The following RCOR1 variants were observed in gnomAD, a reference collection of about 807,000 sequenced individuals.
RCOR1 encodes the protein REST corepressor 1, also known as REST corepressor.
In RCOR1, 12 loss-of-function variants were observed where a neutral mutation model predicts 64.0. The ratio of observed to expected loss-of-function variants is 0.19; its 90% confidence interval spans 0.12 to 0.30. RCOR1 has a LOEUF of 0.30. Ranked by LOEUF, RCOR1 falls within the 10% of genes least tolerant of loss-of-function variation. RCOR1 has a pLI of 1.00. For missense variants in RCOR1, 502 were observed against 621.2 expected (o/e 0.81, Z 2.04); for synonymous variants, 279 against 227.2 (o/e 1.23, Z -2.05).
At chr14:102,624,217 A>G (rs1893933961) in intron 2 of RCOR1, among the ~76,000 whole-genome samples, 1 of 150,248 alleles carries the variant, frequency 6.7e-6, no homozygotes, top group African/African-American at 2.5e-5. Flanking sequence ...TAAATAATAA[A>G]ATAAGGCTGT....
At chr14:102,655,168 A>T (rs79408229) in intron 2 of RCOR1, 1 of 647,940 alleles carries the variant, frequency 1.5e-6, no homozygotes, top group Non-Finnish European at 1.9e-6. Context: ...TGGATAGGCA[A>T]TACAGGCATA....
At chr14:102,597,013 C>T (rs1328890989) in intron 2 of RCOR1, among the ~76,000 whole-genome samples, 3 of 151,818 alleles carry the variant, frequency 2.0e-5, no homozygotes, top group Non-Finnish European at 4.4e-5. Context: ...GTTGGAACTA[C>T]AGGTGCGTGC....
At chr14:102,690,902 T>C (rs1258372369) in intron 3 of RCOR1, among the ~76,000 whole-genome samples, 1 of 152,222 alleles carries the variant, frequency 6.6e-6, no homozygotes, top group Admixed American at 6.5e-5. Context: ...AAATAAGTTA[T>C]TGAATGAATG....
chr14:102,671,736 A>G (rs1261361923), intron 2 of RCOR1, among the ~76,000 whole-genome samples: 1 of 152,234 alleles, frequency 6.6e-6, no homozygotes, highest in African/African-American at 2.4e-5. Flanking sequence ...AATATGCAAA[A>G]TTCAGTGGTT....
chr14:102,625,424 A>G (rs926825429), intron 2 of RCOR1, among the ~76,000 whole-genome samples: 16 of 151,062 alleles, frequency 1.1e-4, no homozygotes, highest in Non-Finnish European at 2.2e-4. Flanking sequence ...TAGTAGAGAC[A>G]GGGTTTCTCC....
Position 102,592,962 on chromosome 14 carries a change from T to G in RCOR1, c.76T>G (p.Ser26Ala), listed in dbSNP as rs1004496269. ...GAGGAACAACGCGGCCGCCTCCGCC[T>G]CCGCCGCCGCCGCCTCCGCCGCCGC... ...RGRNNAAASASAAAASAAASA... is the reference protein window; with the variant it reads ...RGRNNAAASAAAAAASAAASA... Residue 26 changes from serine to alanine, a missense_variant, in exon 1 of 12, where the codon TCC becomes GCC. By Grantham distance (99) the Ser-to-Ala change is moderately conservative. Transcript: ENST00000262241. 83 of 1,165,988 alleles carry G rather than the reference T, an allele frequency of 7.1e-5. No individual in the cohort carries two copies. The highest frequency in any genetic ancestry group is 7.0e-4 in the Middle Eastern group (2 of 2,870). The allele number at this position is 1,165,988 out of a possible 1,614,324, so 72.2% of individuals were successfully genotyped here.
chr14:102,647,643 G>A (rs772558432), intron 2 of RCOR1, among the ~76,000 whole-genome samples: 5 of 152,068 alleles, frequency 3.3e-5, no homozygotes, highest in Non-Finnish European at 5.9e-5. Flanking sequence ...ATGCCAAACT[G>A]TAGTATGAAC....
rs1896172844 is a variant in RCOR1, at chr14:102,721,656, G to A, written c.1189+279G>A. 2 of 288,866 alleles carry A rather than the reference G, an allele frequency of 6.9e-6. 1 individual carries two copies. The highest frequency in any genetic ancestry group is 9.7e-5 in the Admixed American group (2 of 20,666). 17.9% of individuals were successfully genotyped at this position (288,866 alleles called of 1,614,324 possible). A position where few individuals can be genotyped will look rare whatever the true frequency, so the allele number is the denominator to read the frequency against. ...CCCTACTCCCAGCACCTAGATTCTT[G>A]GACAATTATGTCCTAGTGGATATCA... On this transcript the variant is annotated intron_variant, in intron 10 of 11. Transcript: ENST00000262241.
At chr14:102,670,200 C>G (rs1208683586) in intron 2 of RCOR1, among the ~76,000 whole-genome samples, 5 of 152,196 alleles carry the variant, frequency 3.3e-5, no homozygotes, top group Non-Finnish European at 7.3e-5. Context: ...ATCTGCCTGC[C>G]TTGGCCTCTC....
intron 10 of RCOR1, 99 bp downstream of exon 10, chr14:102,721,476 A>G: frequency 1.3e-6 from 1 of 792,450 alleles, no homozygotes; most frequent in Middle Eastern, 2.5e-4. Flanking sequence ...GCTTGAGCCC[A>G]GGAGCTCAAG....
At chr14:102,711,061 GT>G (rs1472340566) in intron 7 of RCOR1, 48 bp downstream of exon 7, 20 of 1,223,044 alleles carry the variant, frequency 1.6e-5, no homozygotes, top group Non-Finnish European at 2.3e-5. Flanking sequence ...TTTATTACTA[GT>G]TTCATAAATA....
At chr14:102,620,253 C>CA (rs201786851) in intron 2 of RCOR1, among the ~76,000 whole-genome samples, 18,849 of 151,060 alleles carry the variant, frequency 0.12, 1,372 homozygotes, top group African/African-American at 0.2. Context: ...ACACACACAC[C>CA]CCCCCACACC....
At chr14:102,725,533 T>G (rs756469087) in intron 11 of RCOR1, among the ~76,000 whole-genome samples, 11 of 151,884 alleles carry the variant, frequency 7.2e-5, no homozygotes, top group Non-Finnish European at 1.6e-4. Context: ...GTGAGAGGAG[T>G]TAGGGCTGCC....
Position 102,726,683 on chromosome 14 carries a change from A to T in RCOR1, c.*177A>T. 1.7e-6 allele frequency: 1 copy of T among 590,150 alleles called. No homozygotes were observed. The highest frequency in any genetic ancestry group is 2.2e-5 in the South Asian group (1 of 45,392). 36.6% of individuals were successfully genotyped at this position (590,150 alleles called of 1,614,324 possible). On this transcript the variant is annotated 3_prime_UTR_variant, in exon 12 of 12. Transcript: ENST00000262241. ...GCCTTAATTCTTTGCTCGTTCCTCC[A>T]TGTTGGCGCCACTTCCCAGAGAGCT...
At chr14:102,613,336 A>T (rs1023702835) in intron 2 of RCOR1, among the ~76,000 whole-genome samples, 8 of 151,476 alleles carry the variant, frequency 5.3e-5, no homozygotes, top group African/African-American at 1.9e-4. Flanking sequence ...TCATGACCTC[A>T]GGTGGTCCGC....
At chr14:102,655,781 C>T (rs752342263) in intron 2 of RCOR1, among the ~76,000 whole-genome samples, 128 of 152,022 alleles carry the variant, frequency 8.4e-4, no homozygotes, top group African/African-American at 1.8e-3. Context: ...GGTGAAACCC[C>T]GTCTCTACTA....
At chr14:102,629,034 C>T (rs1485690387) in intron 2 of RCOR1, among the ~76,000 whole-genome samples, 1 of 152,116 alleles carries the variant, frequency 6.6e-6, no homozygotes, top group East Asian at 1.9e-4. Context: ...GCTGGGACTA[C>T]AGGCGTGCGC....
In RCOR1 at chr14:102,593,336, GC is replaced by G; in HGVS notation, c.361+15del. 1 of 1,529,820 alleles carries G rather than the reference GC, an allele frequency of 6.5e-7. No individual in the cohort carries two copies. The allele number at this position is 1,529,820 out of a possible 1,614,324, so 94.8% of individuals were successfully genotyped here. A position where few individuals can be genotyped will look rare whatever the true frequency, so the allele number is the denominator to read the frequency against. Reference sequence around the variant, plus strand: ...CCGACTTCGACCCCGGTGAGTAGCGGCCCCGGCCGGCCGGCGGCGGGGATGA... The same window carrying G: ...CCGACTTCGACCCCGGTGAGTAGCGGCCCGGCCGGCCGGCGGCGGGGATGA... On this transcript the variant is annotated intron_variant, in intron 2 of 11. Coordinates refer to ENST00000262241, the MANE Select transcript of RCOR1 (RefSeq NM_015156.4).
At chr14:102,707,855 C>A (rs1255318855) in intron 5 of RCOR1, among the ~76,000 whole-genome samples, 2 of 151,156 alleles carry the variant, frequency 1.3e-5, no homozygotes, top group African/African-American at 4.9e-5. Flanking sequence ...GTGGCATGAT[C>A]TTGGCTCACT....
Sources: allele counts gnomAD v4.1 joint callset (sites outside exome capture counted in the v4.1 genomes callset), GRCh38; gene constraint gnomAD v4.1.1; transcripts MANE v1.5; gene names NCBI Gene and HGNC (gene_info 2026-07-23, HGNC 2026-07-21).